The following DTX3L variants were observed in gnomAD, a reference collection of about 807,000 sequenced individuals.
DTX3L encodes E3 ubiquitin-protein ligase DTX3L.
A neutral mutation model predicts 60.9 loss-of-function variants in DTX3L; 34 were observed. That is an observed-to-expected ratio of 0.56 (90% CI 0.42 to 0.74). The LOEUF (loss-of-function observed/expected upper bound fraction) is 0.74. DTX3L is among the 30% of genes least tolerant of loss of function. DTX3L has a pLI of 0.00. For missense variants in DTX3L, 810 were observed against 874.0 expected, an observed-to-expected ratio of 0.93 and a Z score of 0.92; for synonymous variants, 290 against 316.6, an observed-to-expected ratio of 0.92 and a Z score of 0.89.
At position 122,565,980 on chromosome 3, in the gene DTX3L, A is replaced by G; in HGVS notation, c.309A>G (p.Ser103=). 1 of 1,614,226 alleles carries G rather than the reference A, an allele frequency of 6.2e-7. No homozygotes were observed. The highest frequency in any genetic ancestry group is 8.5e-7 in the Non-Finnish European group (1 of 1,180,048). Residue 103 remains serine, a synonymous_variant, in exon 2 of 5, where the codon TCA becomes TCG. Transcript: ENST00000296161. ...IKKNTRPQIS[S]LTQSQAETPS... ...AGAACACGAGACCTCAAATTTCTTC[A>G]CTGACACAATCACAAGCAGAAACAC... is the stretch of plus-strand genomic sequence containing the variant.
In DTX3L at chr3:122,569,825, A is replaced by G; in HGVS notation, c.1736A>G (p.His579Arg). The change falls in exon 3 of 5, where the codon CAT (histidine) becomes CGT (arginine). Residue 579 changes from histidine (H) to arginine (R), a missense_variant. By Grantham distance (29) the His-to-Arg change is conservative. Transcript: ENST00000296161. ...SNKKVLPKCK[H>R]EFCAPCINKA... is the part of the protein sequence containing the mutation. ...AAAAAAGTGCTACCAAAGTGCAAGC[A>G]TGAATTCTGCGCCCCTTGTATCAAC... 6.2e-7 allele frequency: 1 copy of G among 1,614,198 alleles called. No individual in the cohort carries two copies. The highest frequency in any genetic ancestry group is 1.1e-5 in the South Asian group (1 of 91,080).
At position 122,568,616 on chromosome 3, in the gene DTX3L, G is replaced by C; in HGVS notation, c.527G>C (p.Gly176Ala). ...EGHDGIEKVCGDFQDIERIHQ... is the reference protein window; with the variant it reads ...EGHDGIEKVCADFQDIERIHQ... ...CACGATGGAATTGAGAAGGTGTGTG[G>C]TGACTTCCAAGACATTGAAAGAATA... Residue 176 changes from glycine to alanine, a missense_variant, in exon 3 of 5, where the codon GGT becomes GCT. Coordinates refer to ENST00000296161, the MANE Select transcript of DTX3L (RefSeq NM_138287.3). 6.2e-7 allele frequency: 1 copy of C among 1,614,152 alleles called. No homozygotes were observed. Among genetic ancestry groups the C allele is most frequent in the African/African-American group, 1.3e-5 (1 of 75,034 alleles).
At chr3:122,564,754 T>G in intron 1 of DTX3L, 141 bp downstream of exon 1, 709 of 945,182 alleles carry the variant, frequency 7.5e-4, no homozygotes, top group Non-Finnish European at 9.8e-4. Flanking sequence ...GACGGGGCCC[T>G]ACTGCCAAGA....
Position 122,564,497 on chromosome 3 carries a change from G to A in DTX3L, c.71G>A (p.Arg24Lys). ...RVYKSGPRVR[R>K]KLESYFQSSK... ...TACAAGTCCGGCCCCCGAGTACGAAGGAAGCTGGAGAGCTACTTCCAGAGC... is the reference window on the plus strand; with the variant it reads ...TACAAGTCCGGCCCCCGAGTACGAAAGAAGCTGGAGAGCTACTTCCAGAGC... The change falls in exon 1 of 5, where the codon AGG becomes AAG. Residue 24 changes from arginine to lysine, a missense_variant. Physicochemically the swap from Arg to Lys is conservative, Grantham distance 26. Coordinates refer to ENST00000296161, the MANE Select transcript of DTX3L (RefSeq NM_138287.3). 4 of 1,612,952 alleles carry A rather than the reference G, an allele frequency of 2.5e-6. No individual in the cohort carries two copies. Among genetic ancestry groups the A allele is most frequent in the Non-Finnish European group, 3.4e-6 (4 of 1,179,438 alleles).
chr3:122,571,221 A>T (rs945041248), intron 4 of DTX3L, among the ~76,000 whole-genome samples: 1 of 151,952 alleles, frequency 6.6e-6, no homozygotes, highest in Non-Finnish European at 1.5e-5. Context: ...CCAAAACCTT[A>T]AATTTGAAAA....
chr3:122,570,258 G>C, intron 3 of DTX3L, 197 bp from the exon 4 acceptor site: 2 of 719,758 alleles, frequency 2.8e-6, no homozygotes, highest in South Asian at 3.8e-5. Flanking sequence ...CTTGAGATGG[G>C]GGTATCAGGA....
At chr3:122,570,405 A>T in intron 3 of DTX3L, 50 bp from the exon 4 acceptor site, 1 of 1,584,918 alleles carries the variant, frequency 6.3e-7, no homozygotes, top group South Asian at 1.1e-5. Context: ...CCTATAGTAA[A>T]AATTAGACAG....
chr3:122,570,286 A>C, intron 3 of DTX3L, 169 bp from the exon 4 acceptor site: 1 of 778,238 alleles, frequency 1.3e-6, no homozygotes, highest in Non-Finnish European at 2.0e-6. Context: ...CAGTGTTTCC[A>C]GCATGAATTC....
At position 122,574,713 on chromosome 3, in the gene DTX3L, C is replaced by G. The variant is rs527864538; in HGVS notation, c.*2966C>G. 6.6e-6 allele frequency: 1 copy of G among 152,328 alleles called. No individual in the cohort carries two copies. The highest frequency in any genetic ancestry group is 2.4e-5 in the African/African-American group (1 of 41,554). 9.4% of individuals were successfully genotyped at this position (152,328 alleles called of 1,614,324 possible). A position where few individuals can be genotyped will look rare whatever the true frequency, so the allele number is the denominator to read the frequency against. On this transcript the variant is annotated 3_prime_UTR_variant, in exon 5 of 5. Coordinates refer to ENST00000296161, the MANE Select transcript of DTX3L (RefSeq NM_138287.3). Reference sequence around the variant, plus strand: ...AGGTAGTCTGCCCCCATAGCTCTGCCCCCCAGAGCTGTACTGTCTCCCATG... The same window carrying G: ...AGGTAGTCTGCCCCCATAGCTCTGCGCCCCAGAGCTGTACTGTCTCCCATG...
At chr3:122,565,512 TAAAAAAA>T (rs770609802) in intron 1 of DTX3L, among the ~76,000 whole-genome samples, 3 of 53,114 alleles carry the variant, frequency 5.6e-5, no homozygotes, top group African/African-American at 2.4e-4. Context: ...AGACTCCGTC[TAAAAAAA>T]AAAAAAAAAA....
rs1329780649 is a variant in DTX3L, at chr3:122,570,589, G to T, written c.2070G>T (p.Gly690=). 1.2e-5 allele frequency: 20 copies of T among 1,614,010 alleles called. No homozygotes were observed. Among genetic ancestry groups the T allele is most frequent in the Admixed American group, 1.7e-5 (1 of 59,994 alleles). ...AFDQKLIFTV[G]YSRVLGVSDV... ...ACCAAAAGCTGATTTTTACAGTGGG[G>T]TACTCTCGCGTATTAGGAGTCTCAG... Residue 690 remains glycine (G), a synonymous_variant, in exon 4 of 5, where the codon GGG becomes GGT. Transcript: ENST00000296161.
chr3:122,571,679 T>C lies in DTX3L; in HGVS notation c.2155T>C (p.Tyr719His). The change falls in exon 5 of 5, where the codon TAT becomes CAT. Residue 719 changes from tyrosine (Y) to histidine (H), a missense_variant and splice_region_variant. Tyr to His is a moderately conservative substitution (Grantham distance 83). Transcript: ENST00000296161. ...CTAAAGGAATTTTTGTTTCTTCAGG[T>C]ATGGCTATCCTGATCCTTCTTACCT... Reference protein sequence around the residue: ...KTSRFGGPEMYGYPDPSYLKR... With the variant: ...KTSRFGGPEMHGYPDPSYLKR... 6.2e-7 allele frequency: 1 copy of C among 1,610,920 alleles called. No individual in the cohort carries two copies. Among genetic ancestry groups the C allele is most frequent in the Non-Finnish European group, 8.5e-7 (1 of 1,178,088 alleles).
At position 122,569,555 on chromosome 3, in the gene DTX3L, C is replaced by CTTTG. The variant is rs768006003; in HGVS notation, c.1466_1467insTTTG (p.Met490LeufsTer37). On this transcript the variant is annotated frameshift_variant, in exon 3 of 5. Transcript: ENST00000296161. LOFTEE classifies it high-confidence loss of function. ...GTACACTTTGTGCTAAATCAAGAGT[C>CTTTG]AATGACTTTGACTGGTTTGCCAAAT... is the stretch of plus-strand genomic sequence containing the variant. 1 of 1,614,182 alleles carries CTTTG rather than the reference C, an allele frequency of 6.2e-7. No individual in the cohort carries two copies. Among genetic ancestry groups the CTTTG allele is most frequent in the Non-Finnish European group, 8.5e-7 (1 of 1,180,040 alleles).
intron 3 of DTX3L, 179 bp from the exon 4 acceptor site, chr3:122,570,276 C>T: frequency 1.3e-6 from 1 of 746,946 alleles, no homozygotes; most frequent in Non-Finnish European, 2.1e-6. Flanking sequence ...GGAAGGTGGA[C>T]AGTGTTTCCA....
chr3:122,569,459 C>A lies in DTX3L; in HGVS notation c.1370C>A (p.Ser457Tyr), dbSNP rs2080628478. 6.2e-7 allele frequency: 1 copy of A among 1,614,068 alleles called. No homozygotes were observed. The highest frequency in any genetic ancestry group is 1.7e-5 in the Admixed American group (1 of 60,008). Reference sequence around the variant, plus strand: ...ATGAGAGAAGTTCTTTTACTGAAGTCTTTGGGCAAGGAGAGAAAGCACTTA... The same window carrying A: ...ATGAGAGAAGTTCTTTTACTGAAGTATTTGGGCAAGGAGAGAAAGCACTTA... ...QLMREVLLLK[S>Y]LGKERKHLHQ... Residue 457 changes from serine to tyrosine, a missense_variant, in exon 3 of 5, where the codon TCT (serine) becomes TAT (tyrosine). Physicochemically the swap from Ser to Tyr is moderately radical, Grantham distance 144 (BLOSUM62 -2). Coordinates refer to ENST00000296161, the MANE Select transcript of DTX3L (RefSeq NM_138287.3).
rs2080626077 is a variant in DTX3L, at chr3:122,569,188, A to C, written c.1099A>C (p.Lys367Gln). ...ISEAFVKIPVKLFAANYMMNV... is the reference protein window; with the variant it reads ...ISEAFVKIPVQLFAANYMMNV... The stretch of plus-strand genomic sequence containing the variant: ...TGAAGCTTTTGTCAAGATACCTGTG[A>C]AACTATTTGCTGCCAATTACATGAT... The change falls in exon 3 of 5, where the codon AAA (lysine) becomes CAA (glutamine). Residue 367 changes from lysine to glutamine, a missense_variant. Lys to Gln is a moderately conservative substitution (Grantham distance 53, BLOSUM62 1). Transcript: ENST00000296161. 6.2e-7 allele frequency: 1 copy of C among 1,614,086 alleles called. No individual in the cohort carries two copies. Among genetic ancestry groups the C allele is most frequent in the African/African-American group, 1.3e-5 (1 of 74,930 alleles).
chr3:122,569,476 A>C lies in DTX3L; in HGVS notation c.1387A>C (p.Lys463Gln), dbSNP rs1336165963. ...LLLKSLGKER[K>Q]HLHQTKFADD... ...ACTGAAGTCTTTGGGCAAGGAGAGA[A>C]AGCACTTACATCAGACCAAGTTTGC... Residue 463 changes from lysine (K) to glutamine (Q), a missense_variant, in exon 3 of 5, where the codon AAG (lysine) becomes CAG (glutamine). Coordinates refer to ENST00000296161, the MANE Select transcript of DTX3L (RefSeq NM_138287.3). The C allele has an allele frequency of 6.2e-7, 1 of 1,614,198 alleles. No homozygotes were observed. The highest frequency in any genetic ancestry group is 2.2e-5 in the East Asian group (1 of 44,882).
chr3:122,568,596 T>C lies in DTX3L; in HGVS notation c.507T>C (p.Asp169=), dbSNP rs1316193902. ...CPSIRKMEGH[D]GIEKVCGDFQ... ...GTATCAGAAAAATGGAAGGTCACGA[T>C]GGAATTGAGAAGGTGTGTGGTGACT... Residue 169 remains aspartate, a synonymous_variant, in exon 3 of 5, where the codon GAT becomes GAC. Transcript: ENST00000296161. The C allele has an allele frequency of 1.2e-6, 2 of 1,614,040 alleles. No individual in the cohort carries two copies. Among genetic ancestry groups the C allele is most frequent in the South Asian group, 1.1e-5 (1 of 91,088 alleles).
chr3:122,572,460 G>A lies in DTX3L; in HGVS notation c.*713G>A, dbSNP rs2080652515. On this transcript the variant is annotated 3_prime_UTR_variant, in exon 5 of 5. Transcript: ENST00000296161. The stretch of plus-strand genomic sequence containing the variant: ...GTGAAAGTGAAATTCTATTGTAAAT[G>A]GGAGGAAAAAGGGTTGGTTGTGAAA... The A allele has an allele frequency of 6.6e-6, 1 of 152,092 alleles. No homozygotes were observed. Among genetic ancestry groups the A allele is most frequent in the African/African-American group, 2.4e-5 (1 of 41,400 alleles). 9.4% of individuals were successfully genotyped at this position (152,092 alleles called of 1,614,324 possible). A position where few individuals can be genotyped will look rare whatever the true frequency, so the allele number is the denominator to read the frequency against.
Sources: gnomAD v4.1 joint callset for allele counts (sites outside exome capture counted in the v4.1 genomes callset) on GRCh38, gnomAD v4.1.1 for gene constraint, MANE v1.5 for transcripts, NCBI Gene and HGNC (gene_info 2026-07-23, HGNC 2026-07-21) for gene names.